Variants in LRRC37B observed in about 807,000 individuals in gnomAD.
LRRC37B encodes leucine rich repeat containing 37B, also known as leucine-rich repeat-containing protein 37B.
A neutral mutation model predicts 98.3 loss-of-function variants in LRRC37B; 28 were observed. That is an observed-to-expected ratio of 0.28 (90% CI 0.21 to 0.39). The LOEUF (loss-of-function observed/expected upper bound fraction) is 0.39. LRRC37B is among the 10% of genes least tolerant of loss of function. The pLI is 1.00. For missense variants in LRRC37B, 938 were observed against 1,182.7 expected, an observed-to-expected ratio of 0.79 and a Z score of 3.03; for synonymous variants, 364 against 442.7, an observed-to-expected ratio of 0.82 and a Z score of 2.23.
At chr17:32,048,763 G>A (rs2627103) in intron 9 of LRRC37B, among the ~76,000 whole-genome samples, 11 of 152,344 alleles carry the variant, frequency 7.2e-5, no homozygotes, top group African/African-American at 2.2e-4. Context: ...TCTCTGCAGC[G>A]AAGAGCCTCA....
rs758716723 is a variant in LRRC37B at position 32,041,177 on chromosome 17, G to A, written c.2205-4523G>A. On this transcript the variant is annotated intron_variant, in intron 7 of 11. Transcript: ENST00000327564. ...TGCGGGAAGCTTCCTCACGCCCCAA[G>A]CGGGAGTATAAGCCCAAGTTCTGGG... 4.0e-4 allele frequency: 305 copies of A among 772,152 alleles called. 1 individual carries two copies. The highest frequency in any genetic ancestry group is 4.2e-4 in the South Asian group (31 of 74,238). The allele number at this position is 772,152 out of a possible 1,614,324, so 47.8% of individuals were successfully genotyped here.
intron 1 of LRRC37B, 152 bp from the exon 5 acceptor site, chr17:32,024,559 G>A (rs1370245724): frequency 8.3e-6 from 11 of 1,324,104 alleles, no homozygotes; most frequent in East Asian, 2.3e-5. Context: ...TTGATGAAGT[G>A]TGCAAACTGG....
chr17:32,036,631 C>T (rs1160817446), intron 7 of LRRC37B, among the ~76,000 whole-genome samples: 2 of 152,086 alleles, frequency 1.3e-5, no homozygotes, highest in Admixed American at 1.3e-4. Flanking sequence ...GGAGCCAATC[C>T]CCTGCAGACA....
chr17:32,026,809 A>G (rs8066884), intron 2 of LRRC37B, among the ~76,000 whole-genome samples: 21,842 of 151,286 alleles, frequency 0.14, 1,730 homozygotes, highest in African/African-American at 0.18. Flanking sequence ...GAGGAATATG[A>G]TTGGAAAGGG....
At chr17:32,041,077 C>G (rs1287964668) in intron 7 of LRRC37B, 1 of 764,750 alleles carries the variant, frequency 1.3e-6, no homozygotes, top group Admixed American at 1.8e-5. Context: ...CGGGCCCTGG[C>G]GGAGGCGCAG....
intron 10 of LRRC37B, 63 bp from the exon 14 acceptor site, chr17:32,049,940 C>T: frequency 9.8e-7 from 1 of 1,023,862 alleles, no homozygotes; most frequent in Non-Finnish European, 1.4e-6. Flanking sequence ...AAGTTAGCTT[C>T]CATTCTCTCT....
chr17:32,035,745 C>T (rs1911230127), intron 7 of LRRC37B, 106 bp downstream of exon 10: 3 of 1,216,502 alleles, frequency 2.5e-6, no homozygotes, highest in Non-Finnish European at 3.5e-6. Context: ...ATATAACATT[C>T]ACCCTTTATA....
At chr17:32,017,821 G>A (rs181970133), upstream of LRRC37B, among the ~76,000 whole-genome samples, 26 of 152,212 alleles carry the variant, frequency 1.7e-4, no homozygotes, top group Admixed American at 8.5e-4. Flanking sequence ...ACAAAAAAAC[G>A]AAGCATATGA....
chr17:32,044,514 G>T (rs1189971413), intron 7 of LRRC37B, among the ~76,000 whole-genome samples: 1 of 152,158 alleles, frequency 6.6e-6, no homozygotes, highest in East Asian at 1.9e-4. Flanking sequence ...TATCTTTCCT[G>T]CCTCGTGACC....
chr17:32,016,045 A>T (rs1910643208), upstream of LRRC37B, among the ~76,000 whole-genome samples: 1 of 152,212 alleles, frequency 6.6e-6, no homozygotes, highest in African/African-American at 2.4e-5. Flanking sequence ...AAATTAATTA[A>T]ATAACAGATT....
intron 6 of LRRC37B, 104 bp from the exon 10 acceptor site, chr17:32,035,461 T>A: frequency 7.8e-7 from 1 of 1,280,554 alleles, no homozygotes. Context: ...GCTTGTTTTA[T>A]AGAGAAGCCA....
At chr17:32,043,722 G>T (rs189103576) in intron 7 of LRRC37B, among the ~76,000 whole-genome samples, 51 of 152,248 alleles carry the variant, frequency 3.3e-4, no homozygotes, top group Admixed American at 8.5e-4. Context: ...TTTGAAAGAT[G>T]TATCAGGCCA....
upstream of LRRC37B, chr17:32,007,943 G>T: frequency 1.8e-6 from 1 of 561,550 alleles, no homozygotes; most frequent in Non-Finnish European, 2.7e-6. This position sits in a 1 kb window ranked among gnomAD's most constrained non-coding sequence, Gnocchi z 4.1. Context: ...AGTGGTGTAT[G>T]ATGACTACGA....
At chr17:32,046,256 A>G (rs973612020) in intron 8 of LRRC37B, among the ~76,000 whole-genome samples, 2 of 152,208 alleles carry the variant, frequency 1.3e-5, no homozygotes, top group Non-Finnish European at 2.9e-5. Context: ...TTACAGTTTT[A>G]TAAGAGTAGA....
At chr17:32,048,007 C>A (rs867184063) in intron 9 of LRRC37B, 106 bp downstream of exon 12, 1 of 1,585,552 alleles carries the variant, frequency 6.3e-7, no homozygotes, top group Admixed American at 1.7e-5. Context: ...ATATTGTTAC[C>A]GTTCACTGAA....
At chr17:32,011,952 G>A (rs1910534721) in intron 1 of LRRC37B, among the ~76,000 whole-genome samples, 5 of 151,932 alleles carry the variant, frequency 3.3e-5, no homozygotes, top group Admixed American at 3.3e-4. Flanking sequence ...AACATTTAGG[G>A]ATTTCCCAGA....
At chr17:32,040,406 C>T (rs562568516) in intron 7 of LRRC37B, 29 of 506,038 alleles carry the variant, frequency 5.7e-5, no homozygotes, top group Admixed American at 2.3e-4. Flanking sequence ...TGGCACGGTC[C>T]GGGCGGAGGT....
chr17:32,048,811 G>T (rs1222041857), intron 9 of LRRC37B, among the ~76,000 whole-genome samples: 1 of 152,194 alleles, frequency 6.6e-6, no homozygotes, highest in African/African-American at 2.4e-5. Flanking sequence ...TAGGAGACCT[G>T]AGTCCTCAAG....
At chr17:32,032,494 A>C (rs1336525875) in intron 5 of LRRC37B, among the ~76,000 whole-genome samples, 2 of 152,088 alleles carry the variant, frequency 1.3e-5, no homozygotes, top group African/African-American at 4.8e-5. Context: ...AGCAAATCAG[A>C]GTGGGTATAT....
Sources: gnomAD v4.1 joint callset for allele counts (sites outside exome capture counted in the v4.1 genomes callset) on GRCh38, gnomAD v4.1.1 for gene constraint, Gnocchi (gnomAD v3.1) non-coding constraint, MANE v1.5 for transcripts, NCBI Gene and HGNC (gene_info 2026-07-23, HGNC 2026-07-21) for gene names.